The following CSMD1 variants were observed in gnomAD, a reference collection of about 807,000 sequenced individuals.
CSMD1 encodes the protein CUB and sushi domain-containing protein 1.
In CSMD1, 213 loss-of-function variants were observed where a neutral mutation model predicts 417.5. The ratio of observed to expected loss-of-function variants is 0.51; its 90% CI spans 0.46 to 0.57. The LOEUF is 0.57. Among genes scored for constraint, CSMD1 ranks in the 20% least tolerant of loss-of-function variants. The pLI is 0.00. For missense variants in CSMD1, 6,923 were observed against 4,529.7 expected, an observed-to-expected ratio of 1.53 and a Z score of -15.17; for synonymous variants, 2,862 against 1,736.8, an observed-to-expected ratio of 1.65 and a Z score of -16.11.
At chr8:4,586,089 A>C (rs1463969497) in intron 2 of CSMD1, among the ~76,000 whole-genome samples, 1 of 152,236 alleles carries the variant, frequency 6.6e-6, no homozygotes, top group Non-Finnish European at 1.5e-5. Context: ...ACAAGCATAC[A>C]ACGTGTAATG....
chr8:3,556,914 C>A (rs1421746364), intron 10 of CSMD1, among the ~76,000 whole-genome samples: 1 of 152,098 alleles, frequency 6.6e-6, no homozygotes, highest in Non-Finnish European at 1.5e-5. Flanking sequence ...CATCAGGTCA[C>A]AAATGCAGTT....
At chr8:4,890,732 T>C (rs889464690) in intron 1 of CSMD1, among the ~76,000 whole-genome samples, 3 of 152,256 alleles carry the variant, frequency 2.0e-5, no homozygotes, top group African/African-American at 4.8e-5. Context: ...CAAAAGTAAT[T>C]GCGGTGTTTG....
chr8:3,798,671 T>G (rs1024012942), intron 5 of CSMD1, among the ~76,000 whole-genome samples: 1 of 152,114 alleles, frequency 6.6e-6, no homozygotes, highest in Non-Finnish European at 1.5e-5. Flanking sequence ...AGAAGATGCA[T>G]TTACACACAT....
intron 26 of CSMD1, among the ~76,000 whole-genome samples, chr8:3,239,288 C>G (rs1407735277): frequency 1.3e-5 from 2 of 152,096 alleles, no homozygotes; most frequent in Non-Finnish European, 1.5e-5. Context: ...AAAGGCCGGT[C>G]TGCTATTGGA....
intron 26 of CSMD1, among the ~76,000 whole-genome samples, chr8:3,257,600 G>C (rs1475562192): frequency 6.6e-6 from 1 of 152,186 alleles, no homozygotes; most frequent in Admixed American, 6.5e-5. Context: ...GTTCCCCTGA[G>C]ATGATGACAC....
At chr8:4,855,512 T>C (rs1318729415) in intron 1 of CSMD1, among the ~76,000 whole-genome samples, 1 of 151,936 alleles carries the variant, frequency 6.6e-6, no homozygotes, top group Non-Finnish European at 1.5e-5. Context: ...GTTGAAAACT[T>C]TGAAAAAAAT....
At chr8:3,360,587 A>G (rs182434628) in intron 20 of CSMD1, among the ~76,000 whole-genome samples, 1 of 152,144 alleles carries the variant, frequency 6.6e-6, no homozygotes, top group African/African-American at 2.4e-5. Flanking sequence ...TGGAATGGTA[A>G]GAAGAGTTTC....
At chr8:4,398,876 G>A (rs77748490) in intron 3 of CSMD1, among the ~76,000 whole-genome samples, 1,946 of 152,152 alleles carry the variant, frequency 0.013, 43 homozygotes, top group African/African-American at 0.043. Flanking sequence ...TAAAATAACT[G>A]ACATTCTCAA....
At chr8:3,955,134 C>T (rs1056290560) in intron 5 of CSMD1, among the ~76,000 whole-genome samples, 4 of 152,096 alleles carry the variant, frequency 2.6e-5, no homozygotes, top group Admixed American at 6.6e-5. Context: ...ACCTAACTAC[C>T]GGTAACGGGA....
In CSMD1 at chr8:3,870,863, C is replaced by T. The variant is rs148340484; in HGVS notation, c.819-116821G>A. Reference sequence around the variant, plus strand: ...CATTAACACCATTCTGTCTTAGGTTCCTTAGATGCCTGAGTTTAATGTTCC... The same window carrying T: ...CATTAACACCATTCTGTCTTAGGTTTCTTAGATGCCTGAGTTTAATGTTCC... On this transcript the variant is annotated intron_variant, in intron 5 of 69. Coordinates refer to ENST00000635120, the MANE Select transcript of CSMD1 (RefSeq NM_033225.6). 3.5e-3 allele frequency among the ~76,000 whole-genome samples: 526 copies of T among 152,142 alleles called. 2 individuals are homozygous for T. The highest frequency in any genetic ancestry group is 0.01 in the African/African-American group (436 of 41,532).
At chr8:3,223,948 G>T (rs77891455) in intron 27 of CSMD1, 81 bp from the exon 28 acceptor site, 26,216 of 1,389,640 alleles carry the variant, frequency 0.019, 328 homozygotes, top group Non-Finnish European at 0.023. Flanking sequence ...AGACACCACA[G>T]AATTCTTTAA....
intron 2 of CSMD1, among the ~76,000 whole-genome samples, chr8:4,570,091 C>A (rs1798811229): frequency 6.6e-6 from 1 of 152,140 alleles, no homozygotes. Flanking sequence ...CAAACAGAGA[C>A]AACTTGACTT....
At position 4,038,394 on chromosome 8, in the gene CSMD1, GT is replaced by G. The variant is rs1411865288; in HGVS notation, c.416-6296del. On this transcript the variant is annotated intron_variant, in intron 3 of 69. Coordinates refer to ENST00000635120, the MANE Select transcript of CSMD1 (RefSeq NM_033225.6). ...TAAATTGTAAAATATTGATGGAATT[GT>G]TGCTAGGTCTATGCAAAGATTCAAG... is the stretch of plus-strand genomic sequence containing the variant. 2.6e-5 allele frequency among the ~76,000 whole-genome samples: 4 copies of G among 152,274 alleles called. No homozygotes were observed. The South Asian group carries it at 6.2e-4, about 24-fold the overall frequency.
chr8:4,016,643 C>G (rs1585137784), intron 4 of CSMD1, among the ~76,000 whole-genome samples: 1 of 152,290 alleles, frequency 6.6e-6, no homozygotes, highest in Non-Finnish European at 1.5e-5. Flanking sequence ...TTTGCTTTGT[C>G]TTCTACAGGT....
intron 2 of CSMD1, among the ~76,000 whole-genome samples, chr8:4,538,394 G>C (rs1193528379): frequency 6.6e-6 from 1 of 151,874 alleles, no homozygotes; most frequent in Non-Finnish European, 1.5e-5. Context: ...TGTAATCCAA[G>C]CACTTTGGGA....
At chr8:3,949,683 G>T (rs909248304) in intron 5 of CSMD1, among the ~76,000 whole-genome samples, 2 of 152,064 alleles carry the variant, frequency 1.3e-5, no homozygotes, top group African/African-American at 2.4e-5. Context: ...GGAGGAGAAG[G>T]AGGAATATTA....
chr8:2,998,952 C>T (rs1807151067), intron 53 of CSMD1, among the ~76,000 whole-genome samples: 2 of 152,288 alleles, frequency 1.3e-5, no homozygotes, highest in South Asian at 2.1e-4. Flanking sequence ...ATCTTTGTCA[C>T]TGTTTTATCC....
chr8:3,398,005 G>A lies in CSMD1; in HGVS notation c.2405+1386C>T, dbSNP rs975951998. 3.0e-4 allele frequency among the ~76,000 whole-genome samples: 45 copies of A among 152,268 alleles called. 1 individual carries two copies. The highest frequency in any genetic ancestry group is 1.0e-3 in the African/African-American group (43 of 41,542). The stretch of plus-strand genomic sequence containing the variant: ...AGATCACACATGTCTAAAAATATCA[G>A]AAATATCGGGTATTTCCAAATGGAA... On this transcript the variant is annotated intron_variant, in intron 16 of 69. Coordinates refer to ENST00000635120, the MANE Select transcript of CSMD1 (RefSeq NM_033225.6).
chr8:3,374,303 T>C (rs181769271), intron 18 of CSMD1, among the ~76,000 whole-genome samples: 71 of 152,254 alleles, frequency 4.7e-4, no homozygotes, highest in African/African-American at 1.7e-3. Context: ...TCTACTTTTA[T>C]CCATTCATCT....
Sources: allele counts gnomAD v4.1 joint callset (sites outside exome capture counted in the v4.1 genomes callset), GRCh38; gene constraint gnomAD v4.1.1; transcripts MANE v1.5; gene names NCBI Gene and HGNC (gene_info 2026-07-23, HGNC 2026-07-21).